Variants in MCHR2 observed in about 807,000 individuals in gnomAD.
MCHR2 encodes melanin-concentrating hormone receptor 2.
MCHR2 carries 15 observed loss-of-function variants against 24.8 expected under a neutral mutation model. The observed-to-expected ratio is 0.60, with a 90% CI of 0.40 to 0.93. The LOEUF (loss-of-function observed/expected upper bound fraction) is 0.93. Among genes scored for constraint, MCHR2 ranks in the 40% least tolerant of loss-of-function variants. MCHR2 has a pLI of 0.00. For synonymous variants in MCHR2, 151 were observed against 147.6 expected (o/e 1.02, Z -0.17); for missense variants, 386 against 408.7 (o/e 0.94, Z 0.48).
intron 5 of MCHR2, among the ~76,000 whole-genome samples, chr6:99,926,103 C>T (rs913142420): frequency 5.9e-5 from 9 of 151,864 alleles, no homozygotes; most frequent in Admixed American, 6.6e-5. Flanking sequence ...TTTGTCCTTG[C>T]GATAGTTTAC....
chr6:99,986,883 A>T (rs762726875), intron 1 of MCHR2, among the ~76,000 whole-genome samples: 147 of 150,600 alleles, frequency 9.8e-4, no homozygotes, highest in Non-Finnish European at 1.7e-3. Context: ...ATGTATATAT[A>T]TCCATAAGTA....
intron 1 of MCHR2, among the ~76,000 whole-genome samples, chr6:99,966,192 AC>A (rs1030594395): frequency 6.6e-6 from 1 of 152,192 alleles, no homozygotes; most frequent in African/African-American, 2.4e-5. Context: ...TGTGGAAAGG[AC>A]TTTGAAAGTA....
intron 1 of MCHR2, among the ~76,000 whole-genome samples, chr6:99,979,608 A>G (rs1337613298): frequency 6.6e-6 from 1 of 152,238 alleles, no homozygotes; most frequent in African/African-American, 2.4e-5. Context: ...ATGTATTATT[A>G]AAATTAATTT....
At chr6:99,980,058 T>A (rs1009017641) in intron 1 of MCHR2, among the ~76,000 whole-genome samples, 2 of 152,228 alleles carry the variant, frequency 1.3e-5, no homozygotes, top group Non-Finnish European at 2.9e-5. Context: ...CACATGCTTG[T>A]TAAAGATCTT....
chr6:99,958,013 G>T (rs1040255550), intron 1 of MCHR2, among the ~76,000 whole-genome samples: 3 of 151,832 alleles, frequency 2.0e-5, no homozygotes, highest in African/African-American at 7.3e-5. Context: ...AACATAAAAG[G>T]CTAAGAATAC....
chr6:99,944,207 T>C (rs190334787), intron 3 of MCHR2, among the ~76,000 whole-genome samples: 69 of 152,316 alleles, frequency 4.5e-4, no homozygotes, highest in African/African-American at 1.5e-3. Flanking sequence ...GGGGTAATCA[T>C]TAATCAAACT....
chr6:99,974,022 C>T (rs1338022300), intron 1 of MCHR2, among the ~76,000 whole-genome samples: 2 of 152,196 alleles, frequency 1.3e-5, no homozygotes, highest in African/African-American at 4.8e-5. Context: ...TTTGGTGAAT[C>T]TGACAATTAT....
At chr6:99,961,730 T>C (rs951239269) in intron 1 of MCHR2, among the ~76,000 whole-genome samples, 5 of 151,954 alleles carry the variant, frequency 3.3e-5, no homozygotes, top group Non-Finnish European at 7.4e-5. Flanking sequence ...GGGAGAGGGA[T>C]AGCATTAGGA....
At chr6:99,957,368 C>G (rs895562816) in intron 1 of MCHR2, among the ~76,000 whole-genome samples, 1 of 152,056 alleles carries the variant, frequency 6.6e-6, no homozygotes, top group Non-Finnish European at 1.5e-5. Context: ...GATGCTTTTT[C>G]CATCAATTGA....
At chr6:99,957,905 T>G (rs1775097365) in intron 1 of MCHR2, among the ~76,000 whole-genome samples, 1 of 152,078 alleles carries the variant, frequency 6.6e-6, no homozygotes, top group Non-Finnish European at 1.5e-5. Context: ...TCTATAGATG[T>G]CAATTTTCCC....
intron 1 of MCHR2, among the ~76,000 whole-genome samples, chr6:99,958,724 A>G (rs1028840711): frequency 3.3e-5 from 5 of 152,188 alleles, no homozygotes; most frequent in Non-Finnish European, 7.4e-5. Flanking sequence ...ATCAAAGCCA[A>G]TAGAAGAACC....
chr6:99,976,173 G>A (rs1266735224), intron 1 of MCHR2, among the ~76,000 whole-genome samples: 2 of 152,132 alleles, frequency 1.3e-5, no homozygotes, highest in Non-Finnish European at 1.5e-5. Context: ...AAATAATATA[G>A]TGTTTTGATT....
intron 1 of MCHR2, among the ~76,000 whole-genome samples, chr6:99,966,311 T>C (rs1288981657): frequency 6.6e-6 from 1 of 152,202 alleles, no homozygotes; most frequent in African/African-American, 2.4e-5. Context: ...TACTATCTCC[T>C]GTAAATGTTG....
chr6:99,920,333 C>A lies in MCHR2; in HGVS notation c.*607G>T, dbSNP rs1468522847. 2.0e-5 allele frequency: 3 copies of A among 152,478 alleles called. No homozygotes were observed. The highest frequency in any genetic ancestry group is 4.4e-5 in the Non-Finnish European group (3 of 68,288). The allele number at this position is 152,478 out of a possible 1,614,324, so 9.4% of individuals were successfully genotyped here. A position where few individuals can be genotyped will look rare whatever the true frequency, so the allele number is the denominator to read the frequency against. On this transcript the variant is annotated 3_prime_UTR_variant, in exon 6 of 6. Transcript: ENST00000281806. ...ATAGCTGTTGCAGCATTAGGCCTATCATTTCTCCTTTCTGAGCCTTAGCAA... is the reference window on the plus strand; with the variant it reads ...ATAGCTGTTGCAGCATTAGGCCTATAATTTCTCCTTTCTGAGCCTTAGCAA...
chr6:99,975,405 T>C (rs1270191548), intron 1 of MCHR2, among the ~76,000 whole-genome samples: 1 of 152,164 alleles, frequency 6.6e-6, no homozygotes, highest in East Asian at 1.9e-4. Context: ...GGTGTCCCGT[T>C]TTTTAAGCCC....
At chr6:99,989,841 A>G (rs1775835449) in intron 1 of MCHR2, among the ~76,000 whole-genome samples, 1 of 152,150 alleles carries the variant, frequency 6.6e-6, no homozygotes. Context: ...AATAGTACAC[A>G]ATTTTATAAC....
chr6:99,937,101 G>GT (rs1242846244), intron 4 of MCHR2, among the ~76,000 whole-genome samples: 2 of 151,818 alleles, frequency 1.3e-5, no homozygotes, highest in East Asian at 3.8e-4. Flanking sequence ...AGTTTTAATA[G>GT]TTTTTTGGTG....
chr6:99,948,297 T>C (rs1330477307), intron 2 of MCHR2, among the ~76,000 whole-genome samples: 12 of 152,148 alleles, frequency 7.9e-5, no homozygotes, highest in Non-Finnish European at 7.4e-5. Flanking sequence ...TGTGTGACTT[T>C]GAAATTAGGT....
At chr6:99,965,315 C>G (rs1389214905) in intron 1 of MCHR2, among the ~76,000 whole-genome samples, 1 of 152,076 alleles carries the variant, frequency 6.6e-6, no homozygotes, top group African/African-American at 2.4e-5. Flanking sequence ...TAAAAATCAG[C>G]TAATATGATG....
Sources: gnomAD v4.1 joint callset for allele counts (sites outside exome capture counted in the v4.1 genomes callset) on GRCh38, gnomAD v4.1.1 for gene constraint, MANE v1.5 for transcripts, NCBI Gene and HGNC (gene_info 2026-07-23, HGNC 2026-07-21) for gene names.